The following PPEF2 variants were observed in gnomAD, a reference collection of about 807,000 sequenced individuals.
The protein encoded by PPEF2 is protein phosphatase with EF-hand domain 2, also known as serine/threonine-protein phosphatase with EF-hands 2.
PPEF2 carries 84 observed loss-of-function variants against 84.7 expected under a neutral mutation model. That is an observed-to-expected ratio of 0.99 (90% CI 0.83 to 1.19). The LOEUF (loss-of-function observed/expected upper bound fraction) is 1.19. Ranked by LOEUF, PPEF2 falls within the 50% of genes most tolerant of loss-of-function variation. PPEF2 has a pLI of 0.00. For missense variants in PPEF2, 924 were observed against 937.5 expected (o/e 0.99, Z 0.19); for synonymous variants, 346 against 345.2 (o/e 1.00, Z -0.03).
Position 75,860,932 on chromosome 4 carries a change from G to A in PPEF2, c.2009-12C>T, listed in dbSNP as rs1308530744. 1.1e-5 allele frequency: 17 copies of A among 1,609,752 alleles called. No homozygotes were observed. Among genetic ancestry groups the A allele is most frequent in the Admixed American group, 1.7e-5 (1 of 59,874 alleles). ...CAGTGAGATGAACCCTTATCAGAGG[G>A]AGGAAATCACTTCAGTGAGTTAGTC... On this transcript the variant is annotated splice_polypyrimidine_tract_variant and intron_variant, in intron 16 of 16. Transcript: ENST00000286719.
chr4:75,888,576 A>G (rs1051292336), intron 5 of PPEF2, among the ~76,000 whole-genome samples: 1 of 152,086 alleles, frequency 6.6e-6, no homozygotes, highest in Non-Finnish European at 1.5e-5. Flanking sequence ...TTTCTACTCT[A>G]TTAAATGCTT....
At chr4:75,874,806 A>T (rs1416001311) in intron 11 of PPEF2, among the ~76,000 whole-genome samples, 1 of 152,188 alleles carries the variant, frequency 6.6e-6, no homozygotes, top group African/African-American at 2.4e-5. Context: ...CTAGACTCAG[A>T]GTCAGCTGCA....
chr4:75,891,810 A>G (rs775160236), intron 3 of PPEF2, 41 bp downstream of exon 3: 5 of 1,600,124 alleles, frequency 3.1e-6, no homozygotes, highest in Admixed American at 1.7e-5. Context: ...CTGCTGCCCA[A>G]GGGAGAGCAG....
At chr4:75,872,785 T>G (rs1724316550) in intron 12 of PPEF2, among the ~76,000 whole-genome samples, 2 of 152,224 alleles carry the variant, frequency 1.3e-5, no homozygotes, top group Non-Finnish European at 2.9e-5. Flanking sequence ...ATGTTAATTG[T>G]GCTCCTGAGA....
Position 75,865,727 on chromosome 4 carries a change from T to G in PPEF2, c.1920+462A>C, listed in dbSNP as rs921674789. ...ATGGATGAATTGCATGGTATGTAAA[T>G]TATATTGCAGTAACACTGTTAAAAG... On this transcript the variant is annotated intron_variant, in intron 15 of 16. Transcript: ENST00000286719. 2.0e-4 allele frequency among the ~76,000 whole-genome samples: 30 copies of G among 152,302 alleles called. 1 individual carries two copies. Among genetic ancestry groups the G allele is most frequent in the Admixed American group, 1.8e-3 (28 of 15,292 alleles).
At chr4:75,892,477 C>T (rs1221866305) in intron 2 of PPEF2, among the ~76,000 whole-genome samples, 1 of 152,154 alleles carries the variant, frequency 6.6e-6, no homozygotes, top group African/African-American at 2.4e-5. Context: ...CCTCAATGTC[C>T]TCATCTGGAA....
intron 15 of PPEF2, among the ~76,000 whole-genome samples, chr4:75,865,321 G>A (rs148070278): frequency 1.2e-4 from 18 of 152,116 alleles, no homozygotes. Flanking sequence ...GAAAGCAAAG[G>A]TGTCAGATGT....
intron 13 of PPEF2, among the ~76,000 whole-genome samples, chr4:75,870,986 G>A (rs1369560299): frequency 1.3e-4 from 4 of 30,896 alleles, no homozygotes; most frequent in South Asian, 1.6e-3. Context: ...GTGCGATCTC[G>A]GGTCACTGCA....
At chr4:75,883,125 A>G (rs778317848) in intron 9 of PPEF2, 41 bp downstream of exon 9, 1 of 1,613,870 alleles carries the variant, frequency 6.2e-7, no homozygotes, top group East Asian at 2.2e-5. Flanking sequence ...CACTCAACTT[A>G]TCTGAACTGA....
chr4:75,891,042 GGT>G (rs1019899507), intron 4 of PPEF2, among the ~76,000 whole-genome samples: 1 of 151,984 alleles, frequency 6.6e-6, no homozygotes, highest in Non-Finnish European at 1.5e-5. Context: ...AAATCAGCCA[GGT>G]GTGTTGGTGC....
intron 1 of PPEF2, among the ~76,000 whole-genome samples, chr4:75,900,502 G>T (rs1029287249): frequency 1.3e-5 from 2 of 152,118 alleles, no homozygotes; most frequent in Non-Finnish European, 2.9e-5. Context: ...GGGGAAAAGG[G>T]GTACCTAGCT....
Position 75,898,297 on chromosome 4 carries a change from T to G in PPEF2, c.-58-1914A>C, listed in dbSNP as rs149994212. The stretch of plus-strand genomic sequence containing the variant: ...TGTTTATGGCCAGTTTTGGGGCCAG[T>G]TTACGGCCAGATTTTGGGGGGCTTG... On this transcript the variant is annotated intron_variant, in intron 1 of 16. Coordinates refer to ENST00000286719, the MANE Select transcript of PPEF2 (RefSeq NM_006239.3). Among the ~76,000 whole-genome samples the G allele has an allele frequency of 2.0e-4, 31 of 152,336 alleles. 1 individual carries two copies. In the East Asian group the frequency reaches 6.0e-3, roughly 29 times the overall value.
In PPEF2 at chr4:75,860,300, C is replaced by G. The variant is rs1723962756; in HGVS notation, c.*367G>C. ...GACTTTGCGGTGAGCCGAGATCGCG[C>G]CAATGCACTCCAGCCTGGGCAACAA... On this transcript the variant is annotated 3_prime_UTR_variant, in exon 17 of 17. Transcript: ENST00000286719. 4.4e-6 allele frequency: 1 copy of G among 228,670 alleles called. No homozygotes were observed. The highest frequency in any genetic ancestry group is 2.3e-5 in the African/African-American group (1 of 43,454). The allele number at this position is 228,670 out of a possible 1,614,324, so 14.2% of individuals were successfully genotyped here.
rs770750076 is a variant in PPEF2, at chr4:75,883,171, A to T, written c.778T>A (p.Tyr260Asn). 6.2e-7 allele frequency: 1 copy of T among 1,613,858 alleles called. No individual in the cohort carries two copies. Among genetic ancestry groups the T allele is most frequent in the African/African-American group, 1.3e-5 (1 of 75,062 alleles). Residue 260 changes from tyrosine (Y) to asparagine (N), a missense_variant, in exon 9 of 17, where the codon TAC becomes AAC. Tyr to Asn is a moderately radical substitution (Grantham distance 143). Coordinates refer to ENST00000286719, the MANE Select transcript of PPEF2 (RefSeq NM_006239.3). ...TGTCTTTAAAGGCAGCGCACCTTGT[A>T]TTTATTCATCACTTCCTTGGTGAAG... ...YGFTKEVMNK[Y>N]KVHGKEILRT...
At chr4:75,880,991 G>A (rs28610422) in intron 10 of PPEF2, among the ~76,000 whole-genome samples, 76,805 of 151,324 alleles carry the variant, frequency 0.51, 21,167 homozygotes, top group East Asian at 0.98. Context: ...TAGTAGAGAC[G>A]GGGTTTCACC....
intron 13 of PPEF2, among the ~76,000 whole-genome samples, chr4:75,870,878 C>T (rs370704707): frequency 6.8e-6 from 1 of 146,668 alleles, no homozygotes; most frequent in South Asian, 2.2e-4. Context: ...CAAAAGCTAC[C>T]ATTTATTTAT....
intron 11 of PPEF2, among the ~76,000 whole-genome samples, chr4:75,874,760 C>T (rs77918222): frequency 0.025 from 3,853 of 152,298 alleles, 74 homozygotes; most frequent in Middle Eastern, 0.058. Flanking sequence ...ACTGACAGAA[C>T]ATTAACTAAA....
rs1218564941 is a variant in PPEF2, at chr4:75,888,529, G to GC, written c.418-202dup. Among the ~76,000 whole-genome samples, 11 of 151,934 alleles carry GC rather than the reference G, an allele frequency of 7.2e-5. No homozygotes were observed. The Middle Eastern group carries it at 0.01, about 141-fold the overall frequency. ...TTTCTGCTTCTCATCATTCCCACTT[G>GC]CCCCCCCTGCAAATATTGAGCTACT... On this transcript the variant is annotated intron_variant, in intron 5 of 16. Coordinates refer to ENST00000286719, the MANE Select transcript of PPEF2 (RefSeq NM_006239.3).
At chr4:75,889,223 A>C (rs1437011070) in intron 5 of PPEF2, 2 of 152,556 alleles carry the variant, frequency 1.3e-5, no homozygotes, top group Non-Finnish European at 2.9e-5. Flanking sequence ...AAAAAACAAA[A>C]CAAAAAAACA....
Sources: allele counts gnomAD v4.1 joint callset (sites outside exome capture counted in the v4.1 genomes callset), GRCh38; gene constraint gnomAD v4.1.1; transcripts MANE v1.5; gene names NCBI Gene and HGNC (gene_info 2026-07-23, HGNC 2026-07-21).